MOSMO: variants seen among roughly 807,000 people sequenced by gnomAD.
MOSMO encodes the protein modulator of smoothened.
Under a neutral mutation model 18.4 loss-of-function variants are expected in MOSMO, and 5 were observed. The ratio of observed to expected loss-of-function variants is 0.27; its 90% CI spans 0.14 to 0.57. The LOEUF is 0.57. Among genes scored for constraint, MOSMO ranks in the 20% least tolerant of loss-of-function variants. The pLI, the probability that MOSMO is intolerant of heterozygous loss-of-function variation, is 0.92. For synonymous variants in MOSMO, 82 were observed against 82.3 expected (o/e 1.00, Z 0.02); for missense variants, 138 against 211.8 (o/e 0.65, Z 2.16).
intron 1 of MOSMO, among the ~76,000 whole-genome samples, chr16:22,043,575 TAATTA>T (rs962216381): frequency 3.3e-4 from 50 of 152,310 alleles, no homozygotes; most frequent in African/African-American, 9.6e-4. Context: ...TGGAATTCAT[TAATTA>T]AATTAAACAG....
At chr16:22,036,132 T>G (rs1261205821) in intron 1 of MOSMO, among the ~76,000 whole-genome samples, 1 of 152,162 alleles carries the variant, frequency 6.6e-6, no homozygotes, top group Non-Finnish European at 1.5e-5. Context: ...ATTTATTTAC[T>G]TATTTATTTT....
At chr16:22,059,929 C>A (rs1391646749) in intron 1 of MOSMO, among the ~76,000 whole-genome samples, 1 of 152,162 alleles carries the variant, frequency 6.6e-6, no homozygotes, top group African/African-American at 2.4e-5. Context: ...GTAACCCCAA[C>A]ACTTTGGGAG....
intron 1 of MOSMO, among the ~76,000 whole-genome samples, chr16:22,013,840 CTTG>C (rs1478184895): frequency 1.4e-5 from 2 of 143,394 alleles, no homozygotes; most frequent in South Asian, 4.4e-4. Flanking sequence ...TATTTTCATT[CTTG>C]TTGTTTTTAA....
chr16:22,029,546 G>T (rs976940124), intron 1 of MOSMO, among the ~76,000 whole-genome samples: 2 of 152,148 alleles, frequency 1.3e-5, no homozygotes, highest in Non-Finnish European at 2.9e-5. Flanking sequence ...ACTTAAGTCT[G>T]CTAGACAGAA....
At chr16:22,013,166 A>G (rs1388052744) in intron 1 of MOSMO, among the ~76,000 whole-genome samples, 4 of 152,152 alleles carry the variant, frequency 2.6e-5, no homozygotes, top group Non-Finnish European at 4.4e-5. Context: ...GCACTTTGAC[A>G]TCCATTACTT....
chr16:22,014,687 C>T (rs1480609962), intron 1 of MOSMO, among the ~76,000 whole-genome samples: 2 of 152,174 alleles, frequency 1.3e-5, no homozygotes, highest in Non-Finnish European at 2.9e-5. Context: ...TTCCCTGGAA[C>T]TGTAACAACT....
rs1195698073 is a variant in MOSMO, at chr16:22,081,733, C to T, written c.*853C>T. 6.6e-6 allele frequency: 1 copy of T among 151,618 alleles called. No homozygotes were observed. Among genetic ancestry groups the T allele is most frequent in the Non-Finnish European group, 1.5e-5 (1 of 67,948 alleles). 9.4% of individuals were successfully genotyped at this position (151,618 alleles called of 1,614,324 possible). On this transcript the variant is annotated 3_prime_UTR_variant, in exon 3 of 3. Transcript: ENST00000542527. ...CTAGCAAAACACTGTGGTGTGCAAA[C>T]CTAGAACCCAATAGAAAAAAAAGCC...
At chr16:22,012,157 G>A (rs972897870) in intron 1 of MOSMO, among the ~76,000 whole-genome samples, 7 of 152,028 alleles carry the variant, frequency 4.6e-5, no homozygotes, top group African/African-American at 1.4e-4. Flanking sequence ...TTTTTATACC[G>A]GATAAAATGT....
At chr16:22,089,224 T>C (rs1901246231), downstream of MOSMO, among the ~76,000 whole-genome samples, 1 of 151,990 alleles carries the variant, frequency 6.6e-6, no homozygotes, top group African/African-American at 2.4e-5. Context: ...CGCACCACCA[T>C]TTCTGGCTAA....
intron 1 of MOSMO, among the ~76,000 whole-genome samples, chr16:22,039,891 T>A (rs1900178176): frequency 6.6e-6 from 1 of 152,182 alleles, no homozygotes; most frequent in Non-Finnish European, 1.5e-5. Context: ...TTACCTTGCT[T>A]ATTAATATGT....
At chr16:22,084,929 G>C (rs766443449), downstream of MOSMO, among the ~76,000 whole-genome samples, 2 of 152,264 alleles carry the variant, frequency 1.3e-5, no homozygotes, top group Middle Eastern at 6.8e-3. Flanking sequence ...TCCCTTCTGC[G>C]TCATGCTTCC....
chr16:22,066,608 G>T (rs932023070), intron 1 of MOSMO, among the ~76,000 whole-genome samples: 1 of 152,164 alleles, frequency 6.6e-6, no homozygotes, highest in Non-Finnish European at 1.5e-5. Context: ...CCTCAGCAAA[G>T]GCTGAGAGTC....
chr16:22,074,893 C>T (rs1598025791), intron 1 of MOSMO, among the ~76,000 whole-genome samples: 1 of 152,174 alleles, frequency 6.6e-6, no homozygotes, highest in Non-Finnish European at 1.5e-5. Context: ...GTTTTTCCAA[C>T]ATTTTCTTGA....
intron 1 of MOSMO, among the ~76,000 whole-genome samples, chr16:22,053,884 A>C (rs180803720): frequency 1.2e-4 from 19 of 152,284 alleles, no homozygotes; most frequent in African/African-American, 4.6e-4. Context: ...TGTACTTATC[A>C]CTTTATGCTA....
At chr16:22,067,762 C>T (rs1258910334) in intron 1 of MOSMO, among the ~76,000 whole-genome samples, 1 of 151,934 alleles carries the variant, frequency 6.6e-6, no homozygotes, top group African/African-American at 2.4e-5. Context: ...GCCTGTAATC[C>T]CAGCTACTCA....
intron 1 of MOSMO, among the ~76,000 whole-genome samples, chr16:22,008,623 G>T (rs1899444701): frequency 6.6e-6 from 1 of 151,860 alleles, no homozygotes; most frequent in Non-Finnish European, 1.5e-5. Flanking sequence ...GGGGAGAGGC[G>T]CCCCAGGCCG....
chr16:22,072,958 T>G (rs1430350674), intron 1 of MOSMO, among the ~76,000 whole-genome samples: 1 of 152,172 alleles, frequency 6.6e-6, no homozygotes. Context: ...ACTATAGCTA[T>G]TCTTTTAAAG....
chr16:22,077,281 A>T (rs1046813437), intron 2 of MOSMO, among the ~76,000 whole-genome samples: 2 of 152,224 alleles, frequency 1.3e-5, no homozygotes, highest in Non-Finnish European at 2.9e-5. Flanking sequence ...TGACCCAATA[A>T]AGGGAAAGAA....
chr16:22,044,565 T>C (rs1403346179), intron 1 of MOSMO, among the ~76,000 whole-genome samples: 1 of 152,164 alleles, frequency 6.6e-6, no homozygotes, highest in African/African-American at 2.4e-5. Flanking sequence ...ACCGTAAGTA[T>C]AATTAATGCA....
Sources: gnomAD v4.1 joint callset for allele counts (sites outside exome capture counted in the v4.1 genomes callset) on GRCh38, gnomAD v4.1.1 for gene constraint, MANE v1.5 for transcripts, NCBI Gene and HGNC (gene_info 2026-07-23, HGNC 2026-07-21) for gene names.